The following MOB3B variants were observed in gnomAD, a reference collection of about 807,000 sequenced individuals.
MOB3B encodes MOB kinase activator-like 2B.
Under a neutral mutation model 18.7 loss-of-function variants are expected in MOB3B, and 7 were observed. The observed-to-expected ratio is 0.37, with a 90% confidence interval of 0.21 to 0.70. The LOEUF is 0.70. MOB3B is among the 30% of genes least tolerant of loss of function. The pLI is 0.52. For synonymous variants in MOB3B, 111 were observed against 99.9 expected, an observed-to-expected ratio of 1.11 and a Z score of -0.66; for missense variants, 253 against 281.3, an observed-to-expected ratio of 0.90 and a Z score of 0.72.
rs1253809291 is a variant in MOB3B at position 27,494,352 on chromosome 9, C to G, written c.-199+35203G>C. 2.0e-5 allele frequency among the ~76,000 whole-genome samples: 3 copies of G among 152,278 alleles called. No individual in the cohort carries two copies. The South Asian group carries it at 6.2e-4, about 32-fold the overall frequency. On this transcript the variant is annotated intron_variant, in intron 1 of 3. Transcript: ENST00000262244. ...TGTGACCCACACCTATTTGCACACTCCCTCCCCTTTTGAAAATCCCTAATA... is the reference window on the plus strand; with the variant it reads ...TGTGACCCACACCTATTTGCACACTGCCTCCCCTTTTGAAAATCCCTAATA...
chr9:27,503,024 TGTAA>T (rs1282418403), intron 1 of MOB3B, among the ~76,000 whole-genome samples: 1 of 152,268 alleles, frequency 6.6e-6, no homozygotes, highest in East Asian at 1.9e-4. Flanking sequence ...TTCCCAAAGC[TGTAA>T]GTGTTAGTTC....
chr9:27,342,038 C>T (rs2131339428), intron 3 of MOB3B, among the ~76,000 whole-genome samples: 1 of 152,230 alleles, frequency 6.6e-6, no homozygotes, highest in East Asian at 1.9e-4. Flanking sequence ...ATTTCCATGT[C>T]CATAAACAAG....
At chr9:27,429,384 C>G (rs1475104801) in intron 2 of MOB3B, among the ~76,000 whole-genome samples, 1 of 152,136 alleles carries the variant, frequency 6.6e-6, no homozygotes, top group African/African-American at 2.4e-5. Flanking sequence ...ATAATAGTGT[C>G]TCACACAGAC....
chr9:27,362,122 T>C (rs1023745435), intron 2 of MOB3B, among the ~76,000 whole-genome samples: 1 of 152,214 alleles, frequency 6.6e-6, no homozygotes, highest in Admixed American at 6.5e-5. Context: ...AAATCTCAGC[T>C]GTGCCTTCCA....
chr9:27,382,646 A>G (rs1274845425), intron 2 of MOB3B, among the ~76,000 whole-genome samples: 1 of 152,126 alleles, frequency 6.6e-6, no homozygotes, highest in Non-Finnish European at 1.5e-5. Flanking sequence ...CTCCCAAGGC[A>G]TAATAAAAAC....
chr9:27,479,509 A>G (rs1289465533), intron 1 of MOB3B, among the ~76,000 whole-genome samples: 1 of 152,242 alleles, frequency 6.6e-6, no homozygotes, highest in Non-Finnish European at 1.5e-5. Context: ...TCCAATTCAT[A>G]GACCCTTGCT....
At chr9:27,399,970 C>T (rs1359054422) in intron 2 of MOB3B, among the ~76,000 whole-genome samples, 1 of 152,060 alleles carries the variant, frequency 6.6e-6, no homozygotes, top group African/African-American at 2.4e-5. Flanking sequence ...AGTGTAATCT[C>T]AAGCCCAACT....
chr9:27,326,835 T>C lies in MOB3B; in HGVS notation c.*3752A>G. The C allele has an allele frequency of 5.7e-6, 2 of 352,140 alleles. No individual in the cohort carries two copies. Among genetic ancestry groups the C allele is most frequent in the East Asian group, 8.3e-5 (2 of 24,042 alleles). 21.8% of individuals were successfully genotyped at this position (352,140 alleles called of 1,614,324 possible). A position where few individuals can be genotyped will look rare whatever the true frequency, so the allele number is the denominator to read the frequency against. ...CCCTTGCACCATCACCATGAAATTTTAATACCACATAAATACTTTGTATCT... is the reference window on the plus strand; with the variant it reads ...CCCTTGCACCATCACCATGAAATTTCAATACCACATAAATACTTTGTATCT... On this transcript the variant is annotated 3_prime_UTR_variant, in exon 4 of 4. Coordinates refer to ENST00000262244, the MANE Select transcript of MOB3B (RefSeq NM_024761.5).
rs965757575 is a variant in MOB3B, at chr9:27,326,483, G to A, written c.*4104C>T. 35 of 398,468 alleles carry A rather than the reference G, an allele frequency of 8.8e-5. No homozygotes were observed. The highest frequency in any genetic ancestry group is 1.4e-4 in the Non-Finnish European group (32 of 226,060). 24.7% of individuals were successfully genotyped at this position (398,468 alleles called of 1,614,324 possible). On this transcript the variant is annotated 3_prime_UTR_variant, in exon 4 of 4. Coordinates refer to ENST00000262244, the MANE Select transcript of MOB3B (RefSeq NM_024761.5). ...AAACTCAAAAAGAATACTTCAGCTC[G>A]AGTTGAATGGAATTCAAGATGTTGT...
intron 2 of MOB3B, among the ~76,000 whole-genome samples, chr9:27,452,868 G>T (rs548577428): frequency 5.9e-5 from 9 of 152,324 alleles, no homozygotes; most frequent in African/African-American, 2.2e-4. Flanking sequence ...CCAGAAGCTG[G>T]AGGTATAGAG....
In MOB3B at chr9:27,343,478, T is replaced by TAAAAAAAAAA. The variant is rs779124158; in HGVS notation, c.622-12872_622-12863dup. ...ACACCCAAGAATGCTCAATAAATAC[T>TAAAAAAAAAA]AAAAAAAAAAAAAAAAAAAAAAGAA... On this transcript the variant is annotated intron_variant, in intron 3 of 3. Transcript: ENST00000262244. 2.4e-3 allele frequency among the ~76,000 whole-genome samples: 200 copies of TAAAAAAAAAA among 84,296 alleles called. 1 individual carries two copies. Among genetic ancestry groups the TAAAAAAAAAA allele is most frequent in the African/African-American group, 8.4e-3 (168 of 20,006 alleles). The allele number at this position is 84,296 out of a possible 152,430, so 55.3% of individuals were successfully genotyped here. A position where few individuals can be genotyped will look rare whatever the true frequency, so the allele number is the denominator to read the frequency against.
intron 2 of MOB3B, among the ~76,000 whole-genome samples, chr9:27,402,890 C>T (rs1821906434): frequency 6.6e-6 from 1 of 152,226 alleles, no homozygotes; most frequent in Non-Finnish European, 1.5e-5. Flanking sequence ...CAACAGCTTG[C>T]AATTGTGCGA....
intron 2 of MOB3B, among the ~76,000 whole-genome samples, chr9:27,454,119 A>AT (rs1177266801): frequency 6.6e-6 from 1 of 151,964 alleles, no homozygotes; most frequent in African/African-American, 2.4e-5. Context: ...CAATGTATAC[A>AT]TTTTTTTTCT....
rs542880536 is a variant in MOB3B, at chr9:27,511,318, T to C, written c.-199+18237A>G. Among the ~76,000 whole-genome samples, 178 of 152,324 alleles carry C rather than the reference T, an allele frequency of 1.2e-3. 3 individuals carry two copies. The highest frequency in any genetic ancestry group is 1.2e-4 in the Non-Finnish European group (8 of 68,026). On this transcript the variant is annotated intron_variant, in intron 1 of 3. Coordinates refer to ENST00000262244, the MANE Select transcript of MOB3B (RefSeq NM_024761.5). ...AAATCAGGCAGCCTTTAGTTCGGTG[T>C]GAACTTTGCCAGGTTATGTACTTTT...
At chr9:27,376,710 G>C (rs951134469) in intron 2 of MOB3B, among the ~76,000 whole-genome samples, 2 of 152,232 alleles carry the variant, frequency 1.3e-5, no homozygotes, top group Non-Finnish European at 2.9e-5. Flanking sequence ...GATTCTTTAA[G>C]TGTGGTCTCC....
At chr9:27,418,089 C>T (rs371449633) in intron 2 of MOB3B, among the ~76,000 whole-genome samples, 4 of 4,446 alleles carry the variant, frequency 9.0e-4, no homozygotes, top group Non-Finnish European at 7.0e-3. Flanking sequence ...GAGACTCCAC[C>T]TCAAAAAAAA....
At position 27,524,563 on chromosome 9, in the gene MOB3B, C is replaced by A. The variant is rs774123685; in HGVS notation, c.-199+4992G>T. 3.1e-6 allele frequency: 5 copies of A among 1,613,946 alleles called. No homozygotes were observed. The Admixed American group carries it at 8.3e-5, about 27-fold the overall frequency. Reference sequence around the variant, plus strand: ...TTGCCCCAAGAGTTTCTGCAATACACCCAACCTATGAAGAGGGACATCAAG... The same window carrying A: ...TTGCCCCAAGAGTTTCTGCAATACAACCAACCTATGAAGAGGGACATCAAG... On this transcript the variant is annotated intron_variant, in intron 1 of 3. Coordinates refer to ENST00000262244, the MANE Select transcript of MOB3B (RefSeq NM_024761.5).
chr9:27,481,495 T>G (rs1819649071), intron 1 of MOB3B, among the ~76,000 whole-genome samples: 1 of 112,958 alleles, frequency 8.9e-6, no homozygotes, highest in African/African-American at 3.3e-5. Flanking sequence ...CTAAGGAAGG[T>G]AGTTTTTTTT....
chr9:27,499,667 T>C (rs546949560), intron 1 of MOB3B, among the ~76,000 whole-genome samples: 2 of 152,320 alleles, frequency 1.3e-5, no homozygotes, highest in East Asian at 1.9e-4. Flanking sequence ...AATGGCAACT[T>C]CTAGTTTGTG....
Sources: gnomAD v4.1 joint callset for allele counts (sites outside exome capture counted in the v4.1 genomes callset) on GRCh38, gnomAD v4.1.1 for gene constraint, MANE v1.5 for transcripts, NCBI Gene and HGNC (gene_info 2026-07-23, HGNC 2026-07-21) for gene names.